Variants in GALNT13 observed in about 807,000 individuals in gnomAD.
GALNT13 encodes the protein polypeptide N-acetylgalactosaminyltransferase 13.
In GALNT13, 28 loss-of-function variants were observed where a neutral mutation model predicts 64.2. The observed-to-expected ratio is 0.44, with a 90% CI of 0.32 to 0.60. GALNT13 has a LOEUF of 0.60. GALNT13 is among the 20% of genes least tolerant of loss of function. The pLI is 0.05. For missense variants in GALNT13, 577 were observed against 669.8 expected, an observed-to-expected ratio of 0.86 and a Z score of 1.53; for synonymous variants, 214 against 224.6, an observed-to-expected ratio of 0.95 and a Z score of 0.42.
the GALNT13 span, among the ~76,000 whole-genome samples, chr2:153,276,370 T>C: frequency 6.6e-6 from 1 of 152,124 alleles, no homozygotes; most frequent in Non-Finnish European, 1.5e-5. Context: ...ACATAAATTC[T>C]ATATTTACTT....
chr2:153,635,260 C>T, the GALNT13 span, among the ~76,000 whole-genome samples: 1 of 151,812 alleles, frequency 6.6e-6, no homozygotes, highest in Non-Finnish European at 1.5e-5. Flanking sequence ...AAGTGGCAAT[C>T]ATAAAAGATA....
At chr2:153,646,081 G>A in the GALNT13 span, among the ~76,000 whole-genome samples, 1 of 151,948 alleles carries the variant, frequency 6.6e-6, no homozygotes, top group African/African-American at 2.4e-5. Context: ...GTAGATTGAG[G>A]CTATTTTTGG....
chr2:153,846,979 ATTTAAGCTG>A, the GALNT13 span, among the ~76,000 whole-genome samples: 2 of 152,142 alleles, frequency 1.3e-5, no homozygotes, highest in African/African-American at 4.8e-5. Context: ...ATAAAATATA[ATTTAAGCTG>A]TTTATAAGAG....
the GALNT13 span, among the ~76,000 whole-genome samples, chr2:153,863,744 T>G: frequency 6.6e-6 from 1 of 152,126 alleles, no homozygotes; most frequent in African/African-American, 2.4e-5. Flanking sequence ...TATATATATT[T>G]AACGAAATAA....
chr2:153,243,224 G>C, the GALNT13 span, among the ~76,000 whole-genome samples: 1 of 152,236 alleles, frequency 6.6e-6, no homozygotes, highest in East Asian at 1.9e-4. Flanking sequence ...TGGAATGCAT[G>C]GTAGAAGGAC....
the GALNT13 span, among the ~76,000 whole-genome samples, chr2:153,450,669 ACATAT>A: frequency 6.6e-6 from 1 of 151,902 alleles, no homozygotes. Flanking sequence ...TCCGATGAAC[ACATAT>A]CAGTCAGTCT....
chr2:154,395,953 T>C (rs542702638), intron 9 of GALNT13, 38 bp from the exon 10 acceptor site: 31 of 1,549,186 alleles, frequency 2.0e-5, no homozygotes, highest in Middle Eastern at 1.7e-4. Context: ...AAAACAAAAA[T>C]AGCACAAACT....
At chr2:154,031,419 A>AAATGAAATAGT (rs1447963943) in intron 3 of GALNT13, among the ~76,000 whole-genome samples, 3 of 152,090 alleles carry the variant, frequency 2.0e-5, no homozygotes, top group Non-Finnish European at 2.9e-5. Flanking sequence ...GTTAATAATT[A>AAATGAAATAGT]CATTAAATGA....
chr2:153,592,355 A>G, the GALNT13 span, among the ~76,000 whole-genome samples: 1 of 152,206 alleles, frequency 6.6e-6, no homozygotes, highest in Non-Finnish European at 1.5e-5. Flanking sequence ...AAAAGAAAAT[A>G]AATCAGTATA....
chr2:154,148,003 G>A (rs1186307437), intron 4 of GALNT13, among the ~76,000 whole-genome samples: 4 of 151,480 alleles, frequency 2.6e-5, no homozygotes, highest in African/African-American at 9.7e-5. Context: ...GTGCCATGCT[G>A]GTGTGCTGCA....
intron 4 of GALNT13, among the ~76,000 whole-genome samples, chr2:154,143,639 T>A: frequency 6.6e-6 from 1 of 151,574 alleles, no homozygotes; most frequent in East Asian, 1.9e-4. Context: ...GGCGGGCAGA[T>A]CACCTGAAGT....
intron 3 of GALNT13, among the ~76,000 whole-genome samples, chr2:154,026,227 T>C (rs1405321636): frequency 6.6e-6 from 1 of 152,186 alleles, no homozygotes. Context: ...GATTAACTTA[T>C]GGCTATATTG....
At chr2:153,660,991 A>C in the GALNT13 span, among the ~76,000 whole-genome samples, 1 of 152,114 alleles carries the variant, frequency 6.6e-6, no homozygotes, top group Admixed American at 6.6e-5. Flanking sequence ...GCATAGCTGG[A>C]GGTGATGATA....
chr2:153,248,116 C>T, the GALNT13 span, among the ~76,000 whole-genome samples: 7 of 152,130 alleles, frequency 4.6e-5, no homozygotes, highest in Non-Finnish European at 8.8e-5. Context: ...GATTCACAGC[C>T]GAATTCTACC....
chr2:153,551,395 G>A, the GALNT13 span, among the ~76,000 whole-genome samples: 4 of 152,172 alleles, frequency 2.6e-5, no homozygotes, highest in Admixed American at 6.5e-5. Flanking sequence ...TCTGGTTGCC[G>A]TGTGGTGAAT....
chr2:153,292,784 A>C, the GALNT13 span, among the ~76,000 whole-genome samples: 1 of 152,210 alleles, frequency 6.6e-6, no homozygotes, highest in East Asian at 1.9e-4. Flanking sequence ...CAAAAATTAC[A>C]GAAAGAAGAA....
the GALNT13 span, among the ~76,000 whole-genome samples, chr2:153,814,333 G>T: frequency 6.6e-6 from 1 of 152,146 alleles, no homozygotes; most frequent in Admixed American, 6.5e-5. Context: ...CCAGCTACTG[G>T]GGAGGCTGAG....
At chr2:153,147,508 C>T in the GALNT13 span, among the ~76,000 whole-genome samples, 9 of 150,006 alleles carry the variant, frequency 6.0e-5, no homozygotes, top group Non-Finnish European at 1.2e-4. Context: ...TTTGTCACCT[C>T]GCATTCTCTT....
chr2:153,577,131 A>G, the GALNT13 span, among the ~76,000 whole-genome samples: 1 of 151,876 alleles, frequency 6.6e-6, no homozygotes, highest in Non-Finnish European at 1.5e-5. Context: ...TAAAGAGGCT[A>G]CCTTTTCCCC....
Sources: gnomAD v4.1 joint callset for allele counts (sites outside exome capture counted in the v4.1 genomes callset) on GRCh38, gnomAD v4.1.1 for gene constraint, MANE v1.5 for transcripts, NCBI Gene and HGNC (gene_info 2026-07-23, HGNC 2026-07-21) for gene names.